The following STAG3 variants were observed in gnomAD, a reference collection of about 807,000 sequenced individuals.
STAG3 encodes the protein cohesin subunit SA-3.
STAG3 carries 101 observed loss-of-function variants against 160.7 expected under a neutral mutation model. The observed-to-expected ratio is 0.63, with a 90% CI of 0.54 to 0.74. The LOEUF (loss-of-function observed/expected upper bound fraction) is 0.74, where lower values mean the gene tolerates loss of function less well. STAG3 is among the 30% of genes least tolerant of loss of function. The probability of loss-of-function intolerance (pLI) is 0.00; values close to 1 mark genes in which losing one functional copy is unlikely to be tolerated. For missense variants in STAG3, 1,188 were observed against 1,517.4 expected (o/e 0.78, Z 3.61); for synonymous variants, 519 against 585.0 (o/e 0.89, Z 1.63).
intron 29 of STAG3, among the ~76,000 whole-genome samples, chr7:100,210,318 T>A (rs1802064733): frequency 6.6e-6 from 1 of 152,286 alleles, no homozygotes; most frequent in African/African-American, 2.4e-5. Flanking sequence ...CTGTTTACAG[T>A]TAACAGATGT....
At chr7:100,196,324 A>G (rs2117240520) in intron 9 of STAG3, among the ~76,000 whole-genome samples, 1 of 150,438 alleles carries the variant, frequency 6.6e-6, no homozygotes, top group African/African-American at 2.4e-5. Flanking sequence ...TGTGTTGCCC[A>G]GGCTGGAGTG....
chr7:100,201,243 A>G (rs201859666), intron 20 of STAG3, 21 bp from the exon 21 acceptor site: 18 of 1,614,012 alleles, frequency 1.1e-5, no homozygotes, highest in East Asian at 4.5e-5. Flanking sequence ...CCAGTATAAC[A>G]TTCCCCTTTC....
At chr7:100,205,411 G>T (rs1040104536) in intron 29 of STAG3, 27 bp downstream of exon 29, 4 of 1,568,610 alleles carry the variant, frequency 2.6e-6, no homozygotes, top group East Asian at 4.5e-5. Context: ...GGGTATGGGG[G>T]TGCCCAGCAG....
At chr7:100,216,963 A>G (rs36019559), downstream of STAG3, among the ~76,000 whole-genome samples, 104,655 of 151,520 alleles carry the variant, frequency 0.69, 36,860 homozygotes, top group Middle Eastern at 0.86. Flanking sequence ...ATTTCCCGGC[A>G]CAGACAACAG....
chr7:100,199,210 T>C lies in STAG3; in HGVS notation c.1468-52T>C, dbSNP rs142844623. ...CGATATTTAATCAGTAACCACTTCGTAGGGTATTTTTAACATGCTATCATT... is the reference window on the plus strand; with the variant it reads ...CGATATTTAATCAGTAACCACTTCGCAGGGTATTTTTAACATGCTATCATT... On this transcript the variant is annotated intron_variant, in intron 14 of 33. Coordinates refer to ENST00000615138, the MANE Select transcript of STAG3 (RefSeq NM_001282717.2). 641 of 1,220,586 alleles carry C rather than the reference T, an allele frequency of 5.3e-4. 1 individual carries two copies. In the African/African-American group the frequency reaches 8.2e-3, roughly 16 times the overall value. 75.6% of individuals were successfully genotyped at this position (1,220,586 alleles called of 1,614,324 possible). A position where few individuals can be genotyped will look rare whatever the true frequency, so the allele number is the denominator to read the frequency against.
chr7:100,216,912 A>G (rs1427182170), downstream of STAG3, among the ~76,000 whole-genome samples: 1 of 152,222 alleles, frequency 6.6e-6, no homozygotes, highest in African/African-American at 2.4e-5. Flanking sequence ...AAACCCGCTG[A>G]AAATCTTCAT....
chr7:100,194,034 A>G (rs1255365700), intron 8 of STAG3, among the ~76,000 whole-genome samples: 1 of 143,004 alleles, frequency 7.0e-6, no homozygotes, highest in Non-Finnish European at 1.5e-5. Flanking sequence ...CACAACCTCC[A>G]TCTCCTGGGT....
Position 100,214,293 on chromosome 7 carries a change from A to C in STAG3, c.*278A>C. On this transcript the variant is annotated 3_prime_UTR_variant, in exon 34 of 34. Transcript: ENST00000615138. ...GGGCAGCACCTCTGTGTTTAATGGA[A>C]ATAGCCCATAGTCTCCTGGATTTTT... 1 of 496,294 alleles carries C rather than the reference A, an allele frequency of 2.0e-6. No individual in the cohort carries two copies. Among genetic ancestry groups the C allele is most frequent in the Non-Finnish European group, 3.6e-6 (1 of 280,982 alleles). The allele number at this position is 496,294 out of a possible 1,614,324, so 30.7% of individuals were successfully genotyped here.
At chr7:100,203,919 C>A in intron 25 of STAG3, 102 bp from the exon 26 acceptor site, 1 of 739,242 alleles carries the variant, frequency 1.4e-6, no homozygotes, top group Non-Finnish European at 2.4e-6. Context: ...TGTTTCCTAC[C>A]TAAGGGAGTT....
intron 29 of STAG3, 109 bp from the exon 30 acceptor site, chr7:100,210,902 A>G: frequency 8.1e-7 from 1 of 1,230,908 alleles, no homozygotes; most frequent in East Asian, 2.4e-5. Context: ...TAAGTTTTCC[A>G]TTCTCTTCCT....
At chr7:100,205,191 A>G (rs377615128) in intron 28 of STAG3, 36 bp from the exon 29 acceptor site, 4 of 1,613,270 alleles carry the variant, frequency 2.5e-6, no homozygotes, top group African/African-American at 2.7e-5. Flanking sequence ...AGGGCCCAGT[A>G]GCCCCTTCAG....
At chr7:100,193,401 A>G (rs886424054) in intron 8 of STAG3, among the ~76,000 whole-genome samples, 1 of 152,330 alleles carries the variant, frequency 6.6e-6, no homozygotes, top group Admixed American at 6.5e-5. Context: ...CTTCTCCTCA[A>G]TAGCTGCGAA....
At chr7:100,216,849 CA>C (rs1563020449), downstream of STAG3, among the ~76,000 whole-genome samples, 2 of 152,120 alleles carry the variant, frequency 1.3e-5, no homozygotes, top group African/African-American at 2.4e-5. Context: ...CAAAAACAGG[CA>C]AATCAAGTGG....
Position 100,211,506 on chromosome 7 carries a change from C to T in STAG3, c.3485C>T (p.Pro1162Leu). Reference protein sequence around the residue: ...GPQYFQTPHNPSGPGLGNQLM... With the variant: ...GPQYFQTPHNLSGPGLGNQLM... The stretch of plus-strand genomic sequence containing the variant: ...CAATATTTCCAGACTCCACACAACC[C>T]TTCAGGTCCTGGCCTGGGCAACCAG... The change falls in exon 31 of 34, where the codon CCT becomes CTT. Residue 1162 changes from proline to leucine, a missense_variant. Coordinates refer to ENST00000615138, the MANE Select transcript of STAG3 (RefSeq NM_001282717.2). 1 of 1,613,966 alleles carries T rather than the reference C, an allele frequency of 6.2e-7. No homozygotes were observed. Among genetic ancestry groups the T allele is most frequent in the Non-Finnish European group, 8.5e-7 (1 of 1,180,012 alleles).
chr7:100,199,899 C>CAAAA (rs11383220), intron 16 of STAG3, among the ~76,000 whole-genome samples: 2 of 122,280 alleles, frequency 1.6e-5, no homozygotes, highest in African/African-American at 3.1e-5. Flanking sequence ...ACTAAAAATA[C>CAAAA]AAAAAAAAAA....
In STAG3 at chr7:100,186,466, C is replaced by T. The variant is rs182105882; in HGVS notation, c.433+170C>T. ...GGGCACTGTGACTCACACCTGTAATCCCAGCACTTTGGGAAGCTGAGGCAG... is the reference window on the plus strand; with the variant it reads ...GGGCACTGTGACTCACACCTGTAATTCCAGCACTTTGGGAAGCTGAGGCAG... On this transcript the variant is annotated intron_variant, in intron 5 of 33. Coordinates refer to ENST00000615138, the MANE Select transcript of STAG3 (RefSeq NM_001282717.2). 1.5e-4 allele frequency among the ~76,000 whole-genome samples: 23 copies of T among 152,236 alleles called. No homozygotes were observed. The East Asian group carries it at 4.0e-3, about 27-fold the overall frequency.
chr7:100,192,705 C>T (rs941078084), intron 8 of STAG3, among the ~76,000 whole-genome samples: 2 of 152,142 alleles, frequency 1.3e-5, no homozygotes, highest in Non-Finnish European at 2.9e-5. Context: ...ATGTTCCTGC[C>T]TTATCCTTCC....
intron 25 of STAG3, 80 bp from the exon 26 acceptor site, chr7:100,203,941 C>A: frequency 1.1e-6 from 1 of 893,566 alleles, no homozygotes; most frequent in Non-Finnish European, 1.9e-6. Flanking sequence ...GGGAGGGAGA[C>A]ATGATTAGGG....
chr7:100,215,089 C>G (rs1802644047), downstream of STAG3: 1 of 152,248 alleles, frequency 6.6e-6, no homozygotes, highest in South Asian at 2.1e-4. Context: ...CTCTGACAAG[C>G]AGTATTTGAA....
Sources: allele counts gnomAD v4.1 joint callset (sites outside exome capture counted in the v4.1 genomes callset), GRCh38; gene constraint gnomAD v4.1.1; transcripts MANE v1.5; gene names NCBI Gene and HGNC (gene_info 2026-07-23, HGNC 2026-07-21).